The following NTM variants were observed in gnomAD, a reference collection of about 807,000 sequenced individuals.
The protein encoded by NTM is neurotrimin, also known as IgLON family member 2.
Under a neutral mutation model 42.1 loss-of-function variants are expected in NTM, and 13 were observed. The ratio of observed to expected loss-of-function variants is 0.31; its 90% CI spans 0.20 to 0.49. The LOEUF is 0.49. Among genes scored for constraint, NTM ranks in the 20% least tolerant of loss-of-function variants. The pLI is 0.99. For synonymous variants in NTM, 187 were observed against 179.2 expected, an observed-to-expected ratio of 1.04 and a Z score of -0.35; for missense variants, 373 against 452.8, an observed-to-expected ratio of 0.82 and a Z score of 1.60.
chr11:131,421,491 T>C (rs1947518843), intron 1 of NTM, among the ~76,000 whole-genome samples: 1 of 152,182 alleles, frequency 6.6e-6, no homozygotes, highest in African/African-American at 2.4e-5. Flanking sequence ...CCAAGACTAA[T>C]GATCTGGTAA....
intron 2 of NTM, among the ~76,000 whole-genome samples, chr11:132,082,963 C>T (rs1281595646): frequency 6.6e-6 from 1 of 152,098 alleles, no homozygotes; most frequent in East Asian, 1.9e-4. Context: ...GTTATTTCTG[C>T]TAAGATTTGG....
intron 1 of NTM, among the ~76,000 whole-genome samples, chr11:131,799,771 A>G (rs531480341): frequency 2.6e-5 from 4 of 152,212 alleles, no homozygotes; most frequent in African/African-American, 4.8e-5. Context: ...ATAGAAGATC[A>G]GTATGTCTGA....
intron 2 of NTM, among the ~76,000 whole-genome samples, chr11:132,026,048 C>G (rs537052981): frequency 3.9e-5 from 6 of 152,298 alleles, no homozygotes; most frequent in African/African-American, 1.4e-4. Context: ...GTAACACTTG[C>G]CCACAGATGT....
At chr11:132,239,986 T>TCATC (rs1555329282) in intron 4 of NTM, among the ~76,000 whole-genome samples, 3 of 151,062 alleles carry the variant, frequency 2.0e-5, no homozygotes, top group African/African-American at 7.3e-5. Flanking sequence ...CATCCATCCA[T>TCATC]CATCCATCCA....
intron 1 of NTM, among the ~76,000 whole-genome samples, chr11:131,619,504 T>G (rs1199842276): frequency 6.6e-6 from 1 of 152,102 alleles, no homozygotes; most frequent in Non-Finnish European, 1.5e-5. Context: ...AGAAAGAAAT[T>G]GAAAGTAGAT....
rs556015982 is a variant in NTM, at chr11:132,281,853, G to T, written c.527-25836G>T. 9.2e-5 allele frequency among the ~76,000 whole-genome samples: 14 copies of T among 152,218 alleles called. No homozygotes were observed. The South Asian group carries it at 2.7e-3, about 29-fold the overall frequency. On this transcript the variant is annotated intron_variant, in intron 4 of 8. Transcript: ENST00000683400. ...ACTTCACACATGATAAAAAGAACAA[G>T]AAATCTTGGAATGCTTTCAATCTCA...
chr11:131,382,290 C>G (rs1942787216), intron 1 of NTM, among the ~76,000 whole-genome samples: 1 of 152,062 alleles, frequency 6.6e-6, no homozygotes, highest in Non-Finnish European at 1.5e-5. Context: ...CACTTACAAA[C>G]AGGAGGACAA....
chr11:131,970,003 G>A (rs948742260), intron 2 of NTM, among the ~76,000 whole-genome samples: 14 of 152,086 alleles, frequency 9.2e-5, no homozygotes, highest in African/African-American at 2.2e-4. Context: ...TGGACATGAC[G>A]TCTCACTGTG....
chr11:131,921,228 G>A (rs2057177319), intron 2 of NTM, among the ~76,000 whole-genome samples: 2 of 152,178 alleles, frequency 1.3e-5, no homozygotes, highest in Admixed American at 1.3e-4. Flanking sequence ...GATGTAATTA[G>A]CTAAGGTGAG....
At chr11:131,985,303 C>G (rs2065894821) in intron 2 of NTM, among the ~76,000 whole-genome samples, 1 of 152,232 alleles carries the variant, frequency 6.6e-6, no homozygotes, top group Non-Finnish European at 1.5e-5. Flanking sequence ...ACTTCTATCT[C>G]ATTCTGTTTT....
At chr11:131,843,912 C>T (rs7128757) in intron 1 of NTM, among the ~76,000 whole-genome samples, 1 of 151,308 alleles carries the variant, frequency 6.6e-6, no homozygotes, top group Non-Finnish European at 1.5e-5. Context: ...TTCACATTTT[C>T]GATATGAATT....
At chr11:131,985,244 A>G (rs2065884074) in intron 2 of NTM, among the ~76,000 whole-genome samples, 1 of 152,156 alleles carries the variant, frequency 6.6e-6, no homozygotes, top group African/African-American at 2.4e-5. Flanking sequence ...AGTTATCACA[A>G]GGGACAGTTT....
intron 1 of NTM, among the ~76,000 whole-genome samples, chr11:131,903,542 CT>C (rs2053456686): frequency 6.6e-6 from 1 of 152,154 alleles, no homozygotes; most frequent in Admixed American, 6.5e-5. Flanking sequence ...TCATTAATTA[CT>C]TTGTACAACA....
At chr11:132,258,287 A>T (rs575965405) in intron 4 of NTM, among the ~76,000 whole-genome samples, 15 of 152,166 alleles carry the variant, frequency 9.9e-5, no homozygotes, top group South Asian at 2.1e-4. Flanking sequence ...GCTTCTGTCT[A>T]TCCATCAGTT....
At chr11:132,329,389 G>A (rs2095754673) in intron 7 of NTM, among the ~76,000 whole-genome samples, 2 of 152,228 alleles carry the variant, frequency 1.3e-5, no homozygotes, top group Non-Finnish European at 2.9e-5. Flanking sequence ...TGAAGCTGGT[G>A]AAATGGAGAC....
At chr11:131,874,059 A>ATG (rs1370004002) in intron 1 of NTM, among the ~76,000 whole-genome samples, 4 of 102,868 alleles carry the variant, frequency 3.9e-5, no homozygotes, top group African/African-American at 1.5e-4. Context: ...ATATATATAT[A>ATG]TATATATATC....
intron 1 of NTM, among the ~76,000 whole-genome samples, chr11:131,468,826 G>A (rs976606356): frequency 6.6e-6 from 1 of 152,226 alleles, no homozygotes; most frequent in Non-Finnish European, 1.5e-5. Flanking sequence ...TTTGACAGCT[G>A]ATTGGCCAGC....
intron 1 of NTM, among the ~76,000 whole-genome samples, chr11:131,488,312 G>T (rs1954408114): frequency 6.6e-6 from 1 of 152,106 alleles, no homozygotes. Flanking sequence ...AGCTCAGCTG[G>T]GTCTGAAACA....
chr11:132,099,622 A>G (rs546617240), intron 2 of NTM, among the ~76,000 whole-genome samples: 167 of 152,314 alleles, frequency 1.1e-3, no homozygotes, highest in Middle Eastern at 3.4e-3. Context: ...ACTCCCTCCC[A>G]GTGGTTCTGT....
Sources: allele counts gnomAD v4.1 joint callset (sites outside exome capture counted in the v4.1 genomes callset), GRCh38; gene constraint gnomAD v4.1.1; transcripts MANE v1.5; gene names NCBI Gene and HGNC (gene_info 2026-07-23, HGNC 2026-07-21).